HOXC4: variants seen among roughly 807,000 people sequenced by gnomAD.
The protein encoded by HOXC4 is homeobox protein Hox-C4.
In HOXC4, 15 loss-of-function variants were observed where a neutral mutation model predicts 25.5. The observed-to-expected ratio is 0.59, with a 90% CI of 0.39 to 0.91. HOXC4 has a LOEUF of 0.91. HOXC4 is among the 40% of genes least tolerant of loss of function. The pLI is 0.00. For synonymous variants in HOXC4, 165 were observed against 148.0 expected (o/e 1.11, Z -0.83); for missense variants, 342 against 352.4 (o/e 0.97, Z 0.24).
upstream of HOXC4, among the ~76,000 whole-genome samples, chr12:54,049,077 G>T (rs1007686807): frequency 3.3e-5 from 5 of 152,210 alleles, no homozygotes; most frequent in Admixed American, 2.0e-4. Flanking sequence ...TCTTGAAGAG[G>T]GGTGGGGGTC....
rs560322321 is a variant in HOXC4, at chr12:54,040,551, A to G, written c.-123-12609A>G. ...CTTACAAAGTTGTATCTGGGAGTCA[A>G]TCTCAAATGCACAAGGATGTGAAGT... On this transcript the variant is annotated intron_variant, in intron 1 of 3. Coordinates refer to the HOXC4 transcript ENST00000303406. 2.0e-5 allele frequency among the ~76,000 whole-genome samples: 3 copies of G among 152,308 alleles called. No individual in the cohort carries two copies. In the South Asian group the frequency reaches 6.2e-4, roughly 32 times the overall value.
intron 1 of HOXC4, among the ~76,000 whole-genome samples, chr12:54,043,995 C>T (rs1315688332): frequency 2.1e-5 from 3 of 142,500 alleles, no homozygotes; most frequent in Non-Finnish European, 3.0e-5. Flanking sequence ...TCAGGTCTTT[C>T]ATTTTATGTT....
chr12:54,018,465 G>GT (rs1220618772), intron 1 of HOXC4, among the ~76,000 whole-genome samples: 1 of 152,226 alleles, frequency 6.6e-6, no homozygotes, highest in Non-Finnish European at 1.5e-5. Context: ...GGCTTATGGG[G>GT]TAGAGGCGTC....
upstream of HOXC4, among the ~76,000 whole-genome samples, chr12:54,050,321 G>A (rs1188730174): frequency 2.0e-5 from 3 of 152,216 alleles, no homozygotes; most frequent in African/African-American, 4.8e-5. Context: ...AAACCAAATC[G>A]AGATTTAGAA....
intron 1 of HOXC4, among the ~76,000 whole-genome samples, chr12:54,019,480 T>TA (rs1940330815): frequency 6.6e-6 from 1 of 151,926 alleles, no homozygotes; most frequent in Middle Eastern, 3.4e-3. Flanking sequence ...TCTCCTGGAG[T>TA]AATGTGGGAA....
intron 1 of HOXC4, among the ~76,000 whole-genome samples, chr12:54,026,440 A>C (rs1324345140): frequency 1.3e-5 from 2 of 152,250 alleles, no homozygotes; most frequent in Non-Finnish European, 2.9e-5. Context: ...AAGTCACCCC[A>C]AAAATGAGAT....
chr12:54,054,770 G>C, intron 1 of HOXC4, 80 bp from the exon 2 acceptor site: 1 of 905,886 alleles, frequency 1.1e-6, no homozygotes, highest in Non-Finnish European at 1.7e-6. Context: ...CTGTTTCTCA[G>C]AGCTGAGGAT....
In HOXC4 at chr12:54,054,137, T is replaced by C. The variant is rs1352176014; in HGVS notation, c.215T>C (p.Leu72Pro). ...GAGCGCCAGTATAGCTGCACCAGTCTCCAGGGGCCCGGCAATTCGCGAGGC... is the reference window on the plus strand; with the variant it reads ...GAGCGCCAGTATAGCTGCACCAGTCCCCAGGGGCCCGGCAATTCGCGAGGC... ...YPERQYSCTS[L>P]QGPGNSRGHG... Residue 72 changes from leucine (L) to proline (P), a missense_variant, in exon 1 of 2, where the codon CTC becomes CCC. By Grantham distance (98) the Leu-to-Pro change is moderately conservative (BLOSUM62 -3). Coordinates refer to ENST00000430889, the MANE Select transcript of HOXC4 (RefSeq NM_153633.3). The C allele has an allele frequency of 5.0e-6, 8 of 1,613,638 alleles. No homozygotes were observed. The highest frequency in any genetic ancestry group is 1.7e-5 in the Admixed American group (1 of 59,998).
chr12:54,050,570 C>G (rs181544725), upstream of HOXC4, among the ~76,000 whole-genome samples: 5 of 152,088 alleles, frequency 3.3e-5, no homozygotes, highest in Non-Finnish European at 5.9e-5. Context: ...CCAATTAAGC[C>G]ATTGCTAAGT....
intron 1 of HOXC4, chr12:54,032,994 G>A (rs1941044325): frequency 1.4e-6 from 1 of 718,692 alleles, no homozygotes; most frequent in Admixed American, 2.9e-5. Flanking sequence ...AGAGCGCATA[G>A]GATAAAGAAA....
intron 1 of HOXC4, among the ~76,000 whole-genome samples, chr12:54,018,287 C>T (rs1421708676): frequency 6.6e-6 from 1 of 152,236 alleles, no homozygotes; most frequent in African/African-American, 2.4e-5. Context: ...GGGATGCCCA[C>T]TGGACCGGGA....
At chr12:54,022,697 G>GA in intron 1 of HOXC4, 1 of 152,134 alleles carries the variant, frequency 6.6e-6, no homozygotes. Flanking sequence ...AGGGGGAAAG[G>GA]AAAAAACATG....
At chr12:54,032,968 G>T (rs916988050) in intron 1 of HOXC4, 3 of 650,044 alleles carry the variant, frequency 4.6e-6, no homozygotes, top group Non-Finnish European at 7.8e-6. Flanking sequence ...TCTATTTAAG[G>T]CTCCCTTATT....
chr12:54,040,458 C>A lies in HOXC4; in HGVS notation c.-123-12702C>A, dbSNP rs145968642. On this transcript the variant is annotated intron_variant, in intron 1 of 3. Transcript: ENST00000303406. ...TTTGGAAGGCTGGAGTGATACCCAG[C>A]ATATTCTAGCCTCCTCTGTCAGTCC... 1.7e-3 allele frequency among the ~76,000 whole-genome samples: 264 copies of A among 152,294 alleles called. 2 individuals are homozygous for A. The highest frequency in any genetic ancestry group is 6.2e-3 in the African/African-American group (256 of 41,542).
intron 1 of HOXC4, chr12:54,020,869 C>G (rs1940402660): frequency 6.6e-6 from 1 of 152,224 alleles, no homozygotes; most frequent in African/African-American, 2.4e-5. Flanking sequence ...TGGGGAAATA[C>G]TAAATCCCTT....
chr12:54,049,332 G>A (rs1327289456), upstream of HOXC4, among the ~76,000 whole-genome samples: 12 of 152,162 alleles, frequency 7.9e-5, no homozygotes, highest in Admixed American at 6.5e-4. Flanking sequence ...AAACACCCGA[G>A]GTGAAATGCA....
rs78765048 is a variant in HOXC4, at chr12:54,043,467, T to C, written c.-123-9693T>C. Among the ~76,000 whole-genome samples the C allele has an allele frequency of 5.3e-3, 810 of 152,190 alleles. 5 individuals are homozygous for C. Among genetic ancestry groups the C allele is most frequent in the African/African-American group, 0.019 (775 of 41,514 alleles). On this transcript the variant is annotated intron_variant, in intron 1 of 3. Coordinates refer to the HOXC4 transcript ENST00000303406. ...AACACATATATGTGCCCAAGGATGG[T>C]ATGGTAGAGGTCAGAAGCCTGGGCT...
At chr12:54,027,182 CT>C (rs1940756896) in intron 1 of HOXC4, among the ~76,000 whole-genome samples, 1 of 152,204 alleles carries the variant, frequency 6.6e-6, no homozygotes, top group Non-Finnish European at 1.5e-5. Context: ...CGTCTCTTCC[CT>C]TTTTTTAGCC....
chr12:54,027,034 G>C (rs935737173), intron 1 of HOXC4, among the ~76,000 whole-genome samples: 13 of 151,708 alleles, frequency 8.6e-5, no homozygotes, highest in African/African-American at 2.7e-4. Context: ...TCAACTCAAG[G>C]CATTTTCAGC....
Sources: gnomAD v4.1 joint callset for allele counts (sites outside exome capture counted in the v4.1 genomes callset) on GRCh38, gnomAD v4.1.1 for gene constraint, MANE v1.5 for transcripts, NCBI Gene and HGNC (gene_info 2026-07-23, HGNC 2026-07-21) for gene names.